Variants in GPC5 observed in about 807,000 individuals in gnomAD.
The protein encoded by GPC5 is glypican-5.
Under a neutral mutation model 53.9 loss-of-function variants are expected in GPC5, and 47 were observed. The ratio of observed to expected loss-of-function variants is 0.87; its 90% CI spans 0.69 to 1.11. The LOEUF (loss-of-function observed/expected upper bound fraction) is 1.11. Ranked by LOEUF, GPC5 falls within the 50% of genes most tolerant of loss-of-function variation. The probability of loss-of-function intolerance (pLI) is 0.00; values close to 1 mark genes in which losing one functional copy is unlikely to be tolerated. For synonymous variants in GPC5, 286 were observed against 263.3 expected (o/e 1.09, Z -0.84); for missense variants, 748 against 713.1 (o/e 1.05, Z -0.56).
At chr13:92,307,838 CAGTA>C (rs1357194373) in intron 7 of GPC5, among the ~76,000 whole-genome samples, 1 of 152,196 alleles carries the variant, frequency 6.6e-6, no homozygotes, top group Non-Finnish European at 1.5e-5. Context: ...GACTATAAGG[CAGTA>C]AGTGGTTAAA....
At chr13:91,877,646 A>G (rs1435082455) in intron 5 of GPC5, among the ~76,000 whole-genome samples, 1 of 152,172 alleles carries the variant, frequency 6.6e-6, no homozygotes, top group African/African-American at 2.4e-5. Context: ...GGTGGAAGGA[A>G]CTTGCCTTGT....
At chr13:91,976,163 C>G (rs921976865) in intron 6 of GPC5, among the ~76,000 whole-genome samples, 2 of 152,048 alleles carry the variant, frequency 1.3e-5, no homozygotes, top group African/African-American at 2.4e-5. Context: ...GGAGATATAC[C>G]TAATGTTAAA....
intron 7 of GPC5, among the ~76,000 whole-genome samples, chr13:92,540,775 T>G (rs1012495963): frequency 6.6e-6 from 1 of 151,916 alleles, no homozygotes; most frequent in Non-Finnish European, 1.5e-5. Flanking sequence ...AATGACAACA[T>G]GTATATTACA....
intron 7 of GPC5, among the ~76,000 whole-genome samples, chr13:92,476,968 G>A (rs1044356285): frequency 3.6e-4 from 54 of 149,222 alleles, no homozygotes; most frequent in Middle Eastern, 3.4e-3. Flanking sequence ...TGGGTGCAGC[G>A]CACCAGCATG....
At position 91,529,840 on chromosome 13, in the gene GPC5, T is replaced by C. The variant is rs570636850; in HGVS notation, c.325+80918T>C. ...TGTCACCTCACTTTTTTTTGTTTTC[T>C]ACTATGACCTCATGTGTCTCGGTCA... On this transcript the variant is annotated intron_variant, in intron 2 of 7. Coordinates refer to ENST00000377067, the MANE Select transcript of GPC5 (RefSeq NM_004466.6). 5.0e-4 allele frequency among the ~76,000 whole-genome samples: 76 copies of C among 152,298 alleles called. 1 individual carries two copies. Among genetic ancestry groups the C allele is most frequent in the African/African-American group, 1.8e-3 (73 of 41,570 alleles).
chr13:91,914,456 G>C (rs2039639385), intron 6 of GPC5, among the ~76,000 whole-genome samples: 1 of 151,920 alleles, frequency 6.6e-6, no homozygotes, highest in Non-Finnish European at 1.5e-5. Flanking sequence ...TTTTCAAAAT[G>C]TCTTCATGTG....
intron 7 of GPC5, among the ~76,000 whole-genome samples, chr13:92,850,151 G>C (rs1164780527): frequency 6.6e-6 from 1 of 152,118 alleles, no homozygotes. Flanking sequence ...ACTGAGAGCA[G>C]AGGAATTGGA....
intron 7 of GPC5, among the ~76,000 whole-genome samples, chr13:92,578,645 G>A (rs1883263818): frequency 6.6e-6 from 1 of 152,120 alleles, no homozygotes; most frequent in African/African-American, 2.4e-5. Flanking sequence ...CTGTTGTTTT[G>A]TTCTATCTAG....
chr13:91,425,096 G>T (rs1357173450), intron 1 of GPC5, among the ~76,000 whole-genome samples: 4 of 152,138 alleles, frequency 2.6e-5, no homozygotes, highest in Non-Finnish European at 5.9e-5. Flanking sequence ...TAAAATGGAA[G>T]ATTTATGTTT....
chr13:91,542,729 G>T (rs1201656923), intron 2 of GPC5, among the ~76,000 whole-genome samples: 1 of 151,864 alleles, frequency 6.6e-6, no homozygotes, highest in East Asian at 1.9e-4. Context: ...TATTGCCCAG[G>T]CTAACACGCA....
intron 6 of GPC5, among the ~76,000 whole-genome samples, chr13:92,027,046 CTAGATTT>C (rs2040806570): frequency 6.6e-6 from 1 of 152,130 alleles, no homozygotes; most frequent in Non-Finnish European, 1.5e-5. Flanking sequence ...GCAAAATTGA[CTAGATTT>C]TACAGTCACC....
At chr13:92,682,304 C>T (rs1016610292) in intron 7 of GPC5, among the ~76,000 whole-genome samples, 13 of 152,122 alleles carry the variant, frequency 8.5e-5, no homozygotes, top group Admixed American at 3.3e-4. Flanking sequence ...TCTCTCTCCC[C>T]GTTTTGCCTA....
intron 7 of GPC5, among the ~76,000 whole-genome samples, chr13:92,657,325 A>G (rs1184922844): frequency 6.6e-6 from 1 of 152,210 alleles, no homozygotes; most frequent in African/African-American, 2.4e-5. Context: ...TTCCAGAAAT[A>G]AAACTGCAAC....
chr13:92,836,528 C>CTGTCAT (rs1279127317), intron 7 of GPC5, among the ~76,000 whole-genome samples: 4 of 152,032 alleles, frequency 2.6e-5, no homozygotes, highest in African/African-American at 9.7e-5. Context: ...TTATGACATA[C>CTGTCAT]AAATTTAGTT....
chr13:91,786,232 C>T (rs1037833245), intron 5 of GPC5, among the ~76,000 whole-genome samples: 1 of 151,976 alleles, frequency 6.6e-6, no homozygotes, highest in Non-Finnish European at 1.5e-5. Flanking sequence ...CCTGACCTCG[C>T]GATCCGCCTG....
chr13:92,488,118 AGTGTGTGTGTGCGC>A (rs1184444489), intron 7 of GPC5, among the ~76,000 whole-genome samples: 1 of 151,830 alleles, frequency 6.6e-6, no homozygotes, highest in Non-Finnish European at 1.5e-5. Flanking sequence ...TATGTGCCTG[AGTGTGTGTGTGCGC>A]GTGTGTGTGT....
chr13:92,029,554 G>A (rs746179989), intron 6 of GPC5, among the ~76,000 whole-genome samples: 2 of 152,114 alleles, frequency 1.3e-5, no homozygotes, highest in Non-Finnish European at 2.9e-5. Flanking sequence ...GCTCCTTCTG[G>A]GCAAGCCCAG....
At chr13:91,757,517 C>G (rs2037321023) in intron 5 of GPC5, among the ~76,000 whole-genome samples, 1 of 151,974 alleles carries the variant, frequency 6.6e-6, no homozygotes, top group Non-Finnish European at 1.5e-5. Flanking sequence ...GATGGTTTCC[C>G]CGATCCTGTT....
At chr13:92,186,219 A>G (rs2139041782) in intron 7 of GPC5, among the ~76,000 whole-genome samples, 1 of 152,032 alleles carries the variant, frequency 6.6e-6, no homozygotes, top group African/African-American at 2.4e-5. Flanking sequence ...AATTTTTAAT[A>G]ATTTTTAACA....
Sources: allele counts gnomAD v4.1 joint callset (sites outside exome capture counted in the v4.1 genomes callset), GRCh38; gene constraint gnomAD v4.1.1; transcripts MANE v1.5; gene names NCBI Gene and HGNC (gene_info 2026-07-23, HGNC 2026-07-21).